STS: variants seen among roughly 807,000 people sequenced by gnomAD.
The protein encoded by STS is steryl-sulfatase.
In STS, 7 loss-of-function variants were observed where a neutral mutation model predicts 26.8. The ratio of observed to expected loss-of-function variants is 0.26; its 90% confidence interval spans 0.15 to 0.49. The LOEUF is 0.49. STS is among the 20% of genes least tolerant of loss of function. STS has a pLI of 0.98. For synonymous variants in STS, 199 were observed against 189.4 expected, an observed-to-expected ratio of 1.05 and a Z score of -0.42; for missense variants, 434 against 465.6, an observed-to-expected ratio of 0.93 and a Z score of 0.63.
At chrX:7,231,763 T>G (rs1207564357) in intron 2 of STS, among the ~76,000 whole-genome samples, 2 of 110,486 alleles carry the variant, frequency 1.8e-5, no homozygotes, top group Non-Finnish European at 3.8e-5. Flanking sequence ...CTCTTTGCAG[T>G]CAGCTCTTCT....
rs1249119919 is a variant in STS, at chrX:7,342,011, C to T, written c.1364-7877C>T. Among the ~76,000 whole-genome samples the T allele has an allele frequency of 8.1e-5, 9 of 110,565 alleles. No individual in the cohort carries two copies. The Admixed American group carries it at 8.7e-4, about 11-fold the overall frequency. On this transcript the variant is annotated intron_variant, in intron 10 of 10. Coordinates refer to ENST00000674429, the MANE Select transcript of STS (RefSeq NM_001320752.2). The stretch of plus-strand genomic sequence containing the variant: ...ATTTTTAGTAGAGACGGGGTTTCAC[C>T]ATGTTGGCCAGGCTGGTCTTGAACT...
chrX:7,325,532 G>A (rs375945712), intron 9 of STS, 34 bp downstream of exon 9: 1 of 1,205,617 alleles, frequency 8.3e-7, no homozygotes, highest in Non-Finnish European at 1.1e-6. Flanking sequence ...GTATTGTTGA[G>A]CTCTGATTTC....
chrX:7,274,502 T>A (rs1400339321), intron 6 of STS, among the ~76,000 whole-genome samples: 1 of 112,028 alleles, frequency 8.9e-6, no homozygotes, highest in Admixed American at 9.5e-5. Context: ...GAGGTGAAAC[T>A]GAGACACAGC....
chrX:7,224,203 G>C (rs1921703524), intron 2 of STS, among the ~76,000 whole-genome samples: 1 of 111,351 alleles, frequency 9.0e-6, no homozygotes, highest in African/African-American at 3.3e-5. Context: ...AGGTGTCCTG[G>C]ACATTATTTT....
intron 6 of STS, among the ~76,000 whole-genome samples, chrX:7,275,707 T>G (rs1200065107): frequency 9.0e-6 from 1 of 111,158 alleles, no homozygotes; most frequent in African/African-American, 3.3e-5. Context: ...GGGGGATGTC[T>G]CAATAACATA....
chrX:7,240,234 C>T (rs1417009900), intron 2 of STS, among the ~76,000 whole-genome samples: 4 of 108,823 alleles, frequency 3.7e-5, no homozygotes, highest in African/African-American at 1.3e-4. Context: ...TGGTATTTCT[C>T]ATCCTAGTCC....
chrX:7,259,797 G>A (rs1338181853), intron 6 of STS, 25 bp downstream of exon 6: 1 of 1,200,384 alleles, frequency 8.3e-7, no homozygotes, highest in Non-Finnish European at 1.1e-6. Flanking sequence ...GTCCTCTGAT[G>A]CTGCCTGTTA....
At chrX:7,279,208 G>A (rs1402894529) in intron 7 of STS, among the ~76,000 whole-genome samples, 4 of 106,233 alleles carry the variant, frequency 3.8e-5, no homozygotes, top group Non-Finnish European at 7.7e-5. Flanking sequence ...GGAGGCTGAG[G>A]CAGGAGAATC....
intron 1 of STS, among the ~76,000 whole-genome samples, chrX:7,172,625 A>G: frequency 8.9e-6 from 1 of 112,021 alleles, no homozygotes; most frequent in Non-Finnish European, 1.9e-5. Flanking sequence ...CACATTACAC[A>G]GTTGTACCAA....
At chrX:7,227,260 A>G (rs1201118663) in intron 2 of STS, among the ~76,000 whole-genome samples, 1 of 110,982 alleles carries the variant, frequency 9.0e-6, no homozygotes, top group Non-Finnish European at 1.9e-5. Context: ...TTTTTCCTTA[A>G]TTTTTAAAAA....
At chrX:7,220,032 G>A (rs973606607) in intron 2 of STS, among the ~76,000 whole-genome samples, 1 of 112,073 alleles carries the variant, frequency 8.9e-6, no homozygotes, top group East Asian at 2.8e-4. Flanking sequence ...ATCAGGAGAT[G>A]TCATTCACTG....
intron 2 of STS, among the ~76,000 whole-genome samples, chrX:7,213,711 G>T (rs113233711): frequency 6.3e-5 from 7 of 111,544 alleles, no homozygotes; most frequent in African/African-American, 2.3e-4. Flanking sequence ...ACCCTCCCAG[G>T]CTGCTCCTGA....
At chrX:7,205,438 T>G (rs187325734) in intron 2 of STS, among the ~76,000 whole-genome samples, 1 of 111,440 alleles carries the variant, frequency 9.0e-6, no homozygotes, top group African/African-American at 3.3e-5. Context: ...CCATACTGAC[T>G]AGCAGCTTGC....
intron 2 of STS, among the ~76,000 whole-genome samples, chrX:7,217,078 A>G (rs1921338489): frequency 1.8e-5 from 2 of 110,826 alleles, no homozygotes; most frequent in African/African-American, 3.3e-5. Context: ...CCATCAGTGG[A>G]TGGAAAACTA....
chrX:7,319,078 G>A (rs1926843248), intron 8 of STS, among the ~76,000 whole-genome samples: 1 of 111,845 alleles, frequency 8.9e-6, no homozygotes, highest in South Asian at 3.8e-4. Context: ...TTCCTCAGAG[G>A]GGAATAGATC....
At chrX:7,196,210 T>A (rs1933969630) in intron 2 of STS, among the ~76,000 whole-genome samples, 1 of 112,029 alleles carries the variant, frequency 8.9e-6, no homozygotes, top group African/African-American at 3.2e-5. Flanking sequence ...GGGACAGTTA[T>A]GGAGAAGTAA....
At chrX:7,318,264 A>C (rs1386898580) in intron 8 of STS, among the ~76,000 whole-genome samples, 1 of 111,432 alleles carries the variant, frequency 9.0e-6, no homozygotes, top group Admixed American at 9.5e-5. Flanking sequence ...CTCGATGATA[A>C]TGTGAGTGGT....
chrX:7,212,156 G>C (rs762614071), intron 2 of STS, among the ~76,000 whole-genome samples: 2 of 111,904 alleles, frequency 1.8e-5, no homozygotes, highest in Non-Finnish European at 3.8e-5. Flanking sequence ...AGGGGATGTG[G>C]TTATTAATGA....
chrX:7,302,911 CTAAG>C (rs1696444334), intron 7 of STS, among the ~76,000 whole-genome samples: 1 of 111,615 alleles, frequency 9.0e-6, no homozygotes, highest in Non-Finnish European at 1.9e-5. Context: ...CCTAGTGTGA[CTAAG>C]AGCCCACCCA....
Sources: gnomAD v4.1 joint callset for allele counts (sites outside exome capture counted in the v4.1 genomes callset) on GRCh38, gnomAD v4.1.1 for gene constraint, MANE v1.5 for transcripts, NCBI Gene and HGNC (gene_info 2026-07-23, HGNC 2026-07-21) for gene names.